The following TRPM5 variants were observed in gnomAD, a reference collection of about 807,000 sequenced individuals.
The protein encoded by TRPM5 is MLSN1 and TRP-related.
Under a neutral mutation model 124.9 loss-of-function variants are expected in TRPM5, and 121 were observed. The ratio of observed to expected loss-of-function variants is 0.97; its 90% CI spans 0.84 to 1.13. TRPM5 has a LOEUF of 1.13. TRPM5 is among the 50% of genes most tolerant of loss of function. The probability of loss-of-function intolerance (pLI) is 0.00; values close to 1 mark genes in which losing one functional copy is unlikely to be tolerated. For missense variants in TRPM5, 1,643 were observed against 1,589.1 expected (o/e 1.03, Z -0.58); for synonymous variants, 781 against 700.5 (o/e 1.11, Z -1.81).
At chr11:2,434,493 C>CTG in the TRPM5 span, among the ~76,000 whole-genome samples, 73 of 143,138 alleles carry the variant, frequency 5.1e-4, no homozygotes, top group East Asian at 8.8e-3. Context: ...TATAGCCGCA[C>CTG]TGTGTGTGTG....
upstream of TRPM5, among the ~76,000 whole-genome samples, chr11:2,426,457 AG>A (rs910443922): frequency 6.6e-6 from 1 of 152,094 alleles, no homozygotes; most frequent in Non-Finnish European, 1.5e-5. Context: ...AGGGTGGGGC[AG>A]GGAGCCCGGG....
chr11:2,418,478 C>A, intron 5 of TRPM5, 49 bp downstream of exon 10: 1 of 1,582,558 alleles, frequency 6.3e-7, no homozygotes. Context: ...ACCCACCGCA[C>A]CCCTCCACAA....
intron 2 of TRPM5, 54 bp from the exon 8 acceptor site, chr11:2,421,252 C>T: frequency 2.0e-6 from 3 of 1,510,172 alleles, no homozygotes; most frequent in Non-Finnish European, 2.6e-6. Flanking sequence ...TCTTCCCTAG[C>T]TGGCCCCACG....
intron 14 of TRPM5, 58 bp from the exon 20 acceptor site, chr11:2,413,070 G>C (rs1476208474): frequency 3.2e-6 from 5 of 1,546,860 alleles, no homozygotes; most frequent in African/African-American, 2.7e-5. Flanking sequence ...TGCCCCACCA[G>C]AGTCCAGCCT....
chr11:2,444,203 T>TG, the TRPM5 span, among the ~76,000 whole-genome samples: 1 of 151,204 alleles, frequency 6.6e-6, no homozygotes, highest in South Asian at 2.1e-4. Context: ...AGGGCCCTGG[T>TG]GGGAAGCGAC....
At chr11:2,429,420 G>A in the TRPM5 span, among the ~76,000 whole-genome samples, 1 of 151,742 alleles carries the variant, frequency 6.6e-6, no homozygotes, top group African/African-American at 2.4e-5. This position sits in a 1 kb window ranked among gnomAD's most constrained non-coding sequence, Gnocchi z 8.4. Context: ...TGGCGGTGAT[G>A]ATGATAGTGT....
In TRPM5 at chr11:2,415,905, C is replaced by G; in HGVS notation, c.1128+1G>C. On this transcript the variant is annotated splice_donor_variant, in intron 8 of 23. Coordinates refer to ENST00000155858, the Ensembl canonical transcript of TRPM5. LOFTEE classifies it high-confidence loss of function. ...GGTGGGTAGGCAGGGCTGGGAGGCA[C>G]CTTCCACTCCACGTCCCCATTGAAG... is the stretch of plus-strand genomic sequence containing the variant. 1 of 1,569,502 alleles carries G rather than the reference C, an allele frequency of 6.4e-7. No individual in the cohort carries two copies. The highest frequency in any genetic ancestry group is 1.7e-4 in the Middle Eastern group (1 of 6,002).
intron 18 of TRPM5, 128 bp from the exon 24 acceptor site, chr11:2,408,040 C>A (rs1354705184): frequency 4.8e-6 from 6 of 1,251,950 alleles, no homozygotes; most frequent in Non-Finnish European, 6.6e-6. Flanking sequence ...GTTGGGTGAC[C>A]CACTGTCCCA....
upstream of TRPM5, chr11:2,423,099 TCCCTC>T (rs2133537644): frequency 3.7e-6 from 5 of 1,350,972 alleles, no homozygotes; most frequent in South Asian, 6.4e-5. Context: ...CATCCCCACC[TCCCTC>T]CCCTCAGGGG....
intron 19 of TRPM5, 69 bp from the exon 25 acceptor site, chr11:2,407,369 A>G: frequency 1.4e-6 from 2 of 1,440,710 alleles, no homozygotes; most frequent in Non-Finnish European, 9.4e-7. Flanking sequence ...ATCCCCCTGC[A>G]CCCTGATTGC....
intron 13 of TRPM5, 87 bp from the exon 19 acceptor site, chr11:2,413,313 A>C: frequency 7.3e-7 from 1 of 1,369,690 alleles, no homozygotes; most frequent in Admixed American, 2.6e-5. Context: ...CAAAGTGCCC[A>C]CTGGGATGCA....
Position 2,405,686 on chromosome 11 carries a change from C to T in TRPM5, c.3325-93G>A, listed in dbSNP as rs940943272. On this transcript the variant is annotated intron_variant, in intron 22 of 23. Coordinates refer to ENST00000155858, the Ensembl canonical transcript of TRPM5. ...CCCATCTCCCCTCTCCTGCCAGGGC[C>T]CCCGCTGCCCTGTGACTCCTCCCTC... The T allele has an allele frequency of 1.2e-5, 17 of 1,362,872 alleles. 1 individual carries two copies. The East Asian group carries it at 4.0e-4, about 32-fold the overall frequency. The allele number at this position is 1,362,872 out of a possible 1,614,324, so 84.4% of individuals were successfully genotyped here.
chr11:2,423,763 G>C (rs1427972333), upstream of TRPM5, among the ~76,000 whole-genome samples: 1 of 152,180 alleles, frequency 6.6e-6, no homozygotes, highest in Non-Finnish European at 1.5e-5. Context: ...TCTCCCAGCT[G>C]CCCGGTGAGG....
rs1845651475 is a variant in TRPM5, at chr11:2,415,430, G to GCTGA, written c.1166_1169dup (p.Asn391GlnfsTer193). ...AGAGGCGCACAAACTCGGGCTTGTT[G>GCTGA]CTGACCAGGGCGTCCACCATCACCT... On this transcript the variant is annotated frameshift_variant, in exon 9 of 24. Coordinates refer to ENST00000155858, the Ensembl canonical transcript of TRPM5. LOFTEE classifies it high-confidence loss of function. 1 of 1,588,946 alleles carries GCTGA rather than the reference G, an allele frequency of 6.3e-7. No individual in the cohort carries two copies. The highest frequency in any genetic ancestry group is 1.3e-5 in the African/African-American group (1 of 74,768).
At chr11:2,415,950 C>A in exon 8 of TRPM5, 2 of 1,580,238 alleles carry the variant, frequency 1.3e-6, no homozygotes, top group Non-Finnish European at 1.7e-6. Flanking sequence ...TTGGCGATGT[C>A]CACGCGGTCC....
At chr11:2,435,477 G>A in the TRPM5 span, among the ~76,000 whole-genome samples, 1 of 150,744 alleles carries the variant, frequency 6.6e-6, no homozygotes, top group Non-Finnish European at 1.5e-5. The surrounding 1 kb of genome is among the most constrained non-coding windows in gnomAD (Gnocchi z 4.1). Flanking sequence ...ATTCACCCAT[G>A]CACCCATGGC....
chr11:2,405,593 T>C, exon 23 of TRPM5: 1 of 1,561,302 alleles, frequency 6.4e-7, no homozygotes, highest in East Asian at 2.4e-5. Flanking sequence ...CAGTAGTTGA[T>C]CTGGAGAAGG....
rs774103075 is a variant in TRPM5 at position 2,414,059 on chromosome 11, AC to A, written c.1890+1del. The A allele has an allele frequency of 7.5e-7, 1 of 1,326,416 alleles. No individual in the cohort carries two copies. Among genetic ancestry groups the A allele is most frequent in the South Asian group, 1.2e-5 (1 of 81,896 alleles). 82.2% of individuals were successfully genotyped at this position (1,326,416 alleles called of 1,614,324 possible). A position where few individuals can be genotyped will look rare whatever the true frequency, so the allele number is the denominator to read the frequency against. ...CTCTCCTCGAGGACAGCTGGCACTC[AC>A]CTGAACGCCGTCGTGGGCAAAGAAG... On this transcript the variant is annotated splice_donor_variant, in intron 12 of 23. Coordinates refer to ENST00000155858, the Ensembl canonical transcript of TRPM5. LOFTEE classifies it high-confidence loss of function.
chr11:2,414,817 C>T (rs749322236), exon 11 of TRPM5: 80 of 1,585,512 alleles, frequency 5.0e-5, no homozygotes, highest in Non-Finnish European at 6.5e-5. Context: ...GCGGCCAGTG[C>T]GGCTGCCACA....
Sources: allele counts gnomAD v4.1 joint callset (sites outside exome capture counted in the v4.1 genomes callset), GRCh38; gene constraint gnomAD v4.1.1; non-coding constraint Gnocchi (gnomAD v3.1); transcripts MANE v1.5; gene names NCBI Gene and HGNC (gene_info 2026-07-23, HGNC 2026-07-21).